WAS: variants seen among roughly 807,000 people sequenced by gnomAD.
WAS encodes WASP actin nucleation promoting factor, also known as actin nucleation-promoting factor WAS.
Under a neutral mutation model 38.9 loss-of-function variants are expected in WAS, and 1 was observed. The ratio of observed to expected loss-of-function variants is 0.03; its 90% CI spans 0.01 to 0.12. The LOEUF (loss-of-function observed/expected upper bound fraction) is 0.12, where lower values mean the gene tolerates loss of function less well. Among genes scored for constraint, WAS ranks in the 10% least tolerant of loss-of-function variants. The probability of loss-of-function intolerance (pLI) is 1.00; values close to 1 mark genes in which losing one functional copy is unlikely to be tolerated. For synonymous variants in WAS, 182 were observed against 173.6 expected (o/e 1.05, Z -0.38); for missense variants, 311 against 431.2 (o/e 0.72, Z 2.47).
chrX:48,682,185 C>T (rs945112140), upstream of WAS, among the ~76,000 whole-genome samples: 3 of 112,236 alleles, frequency 2.7e-5, no homozygotes, highest in African/African-American at 9.7e-5. Context: ...CGGGAGTGAA[C>T]ACTGCAGTGT....
intron 10 of WAS, 124 bp downstream of exon 10, chrX:48,689,190 G>C: frequency 1.1e-6 from 1 of 946,966 alleles, no homozygotes; most frequent in Admixed American, 2.6e-5. Context: ...TCAGTGATAG[G>C]GTTGAAAGGT....
intron 1 of WAS, 90 bp from the exon 2 acceptor site, chrX:48,684,193 C>A: frequency 1.7e-6 from 2 of 1,183,307 alleles, no homozygotes; most frequent in Non-Finnish European, 2.3e-6. Context: ...GGGCCCATGA[C>A]TGTCATGAGG....
At chrX:48,682,350 A>C (rs1557005884), upstream of WAS, among the ~76,000 whole-genome samples, 1 of 112,306 alleles carries the variant, frequency 8.9e-6, no homozygotes, top group Non-Finnish European at 1.9e-5. Flanking sequence ...GCAACAGCCA[A>C]GAGTGAAGGC....
chrX:48,690,129 T>A (rs1023790977), intron 11 of WAS, among the ~76,000 whole-genome samples: 15 of 111,918 alleles, frequency 1.3e-4, no homozygotes, highest in Non-Finnish European at 2.1e-4. Context: ...TCTAATCTTT[T>A]AAAAAATTTT....
At chrX:48,679,155 C>T (rs1363192476), upstream of WAS, among the ~76,000 whole-genome samples, 3 of 109,303 alleles carry the variant, frequency 2.7e-5, no homozygotes, top group African/African-American at 6.6e-5. Context: ...TCAGCCTCCC[C>T]GACTACAGGC....
In WAS at chrX:48,683,888, G is replaced by A; in HGVS notation, c.35G>A (p.Gly12Asp). 3.3e-6 allele frequency: 4 copies of A among 1,211,667 alleles called. No homozygotes were observed. The highest frequency in any genetic ancestry group is 4.5e-6 in the Non-Finnish European group (4 of 895,423). Reference protein sequence around the residue: ...SGGPMGGRPGGRGAPAVQQNI... With the variant: ...SGGPMGGRPGDRGAPAVQQNI... The stretch of plus-strand genomic sequence containing the variant: ...GGCCCAATGGGAGGAAGGCCCGGGG[G>A]CCGAGGAGCACCAGCGGTTCAGCAG... Residue 12 changes from glycine to aspartate, a missense_variant, in exon 1 of 12, where the codon GGC (glycine) becomes GAC (aspartate). Gly to Asp is a moderately conservative substitution (Grantham distance 94). Transcript: ENST00000376701.
At chrX:48,683,633 G>A (rs2062409127), upstream of WAS, 1 of 432,099 alleles carries the variant, frequency 2.3e-6, no homozygotes, top group Admixed American at 4.3e-5. Context: ...TCCAAAAGGT[G>A]GGTCTAAGCA....
Position 48,688,966 on chromosome X carries a change from C to A in WAS, c.1238C>A (p.Pro413His). ...PPSSGNGPAP[P>H]PLPPALVPAG... Reference sequence around the variant, plus strand: ...AGCTCCGGGAATGGACCAGCCCCTCCCCCACTCCCTCCTGCTCTGGTGCCT... The same window carrying A: ...AGCTCCGGGAATGGACCAGCCCCTCACCCACTCCCTCCTGCTCTGGTGCCT... The change falls in exon 10 of 12, where the codon CCC (proline) becomes CAC (histidine). Residue 413 changes from proline to histidine, a missense_variant. Coordinates refer to ENST00000376701, the MANE Select transcript of WAS (RefSeq NM_000377.3). 8.5e-7 allele frequency: 1 copy of A among 1,180,826 alleles called. No homozygotes were observed. Among genetic ancestry groups the A allele is most frequent in the East Asian group, 3.1e-5 (1 of 32,326 alleles).
intron 9 of WAS, 96 bp from the exon 10 acceptor site, chrX:48,688,564 G>A: frequency 8.4e-7 from 1 of 1,190,211 alleles, no homozygotes; most frequent in Middle Eastern, 2.4e-4. Context: ...TCAGTCAGGA[G>A]TTGGTCAGTG....
At chrX:48,681,726 A>C (rs2062400797), upstream of WAS, among the ~76,000 whole-genome samples, 1 of 112,179 alleles carries the variant, frequency 8.9e-6, no homozygotes, top group Non-Finnish European at 1.9e-5. Flanking sequence ...CCTGATCAGC[A>C]GGTTGGAGGT....
At chrX:48,686,055 ACT>A in intron 5 of WAS, 24 bp from the exon 6 acceptor site, 5 of 1,211,112 alleles carry the variant, frequency 4.1e-6, no homozygotes, top group East Asian at 3.0e-5. Context: ...GGCTGTGATA[ACT>A]CTCTACACAT....
Position 48,677,740 on chromosome X carries a change from C to G in WAS, c.-131+992C>G, listed in dbSNP as rs186370751. Among the ~76,000 whole-genome samples, 391 of 111,697 alleles carry G rather than the reference C, an allele frequency of 3.5e-3. 1 individual carries two copies. Among genetic ancestry groups the G allele is most frequent in the Admixed American group, 5.3e-3 (56 of 10,601 alleles). ...CCCTGAAGCATCCATTTGCCCACAG[C>G]GTCAGTGAACTGTGTAGAACTCTCT... On this transcript the variant is annotated intron_variant, in intron 1 of 8. Coordinates refer to the WAS transcript ENST00000450772.
chrX:48,691,380 G>T lies in WAS; in HGVS notation c.*218G>T. 2.4e-6 allele frequency: 1 copy of T among 410,363 alleles called. No homozygotes were observed. The highest frequency in any genetic ancestry group is 4.2e-6 in the Non-Finnish European group (1 of 236,233). 33.8% of individuals were successfully genotyped at this position (410,363 alleles called of 1,213,427 possible). On this transcript the variant is annotated 3_prime_UTR_variant, in exon 12 of 12. Coordinates refer to ENST00000376701, the MANE Select transcript of WAS (RefSeq NM_000377.3). ...AAAATTCTCAGTTCTCTTCACTCAA[G>T]GATTTTTAAAGAAAAATAAAAGAAT... is the stretch of plus-strand genomic sequence containing the variant.
At chrX:48,684,857 A>G (rs2062414315) in intron 2 of WAS, among the ~76,000 whole-genome samples, 1 of 111,286 alleles carries the variant, frequency 9.0e-6, no homozygotes, top group Admixed American at 9.6e-5. Context: ...TTGAACTCCA[A>G]ATCTGTCCTT....
At chrX:48,682,819 C>T (rs1215962082), upstream of WAS, among the ~76,000 whole-genome samples, 4 of 107,552 alleles carry the variant, frequency 3.7e-5, no homozygotes, top group African/African-American at 1.0e-4. Context: ...CACTTGAACC[C>T]GGGAGGCAAA....
In WAS at chrX:48,688,324, C is replaced by T. The variant is rs782149318; in HGVS notation, c.802C>T (p.Arg268Trp). The T allele has an allele frequency of 1.7e-5, 21 of 1,205,891 alleles. No homozygotes were observed. The Admixed American group carries it at 1.8e-4, about 10-fold the overall frequency. Reference sequence around the variant, plus strand: ...GGTGAACAACCTCGACCCAGATCTGCGGAGTCTGTTCTCCAGGGCAGGAAT... The same window carrying T: ...GGTGAACAACCTCGACCCAGATCTGTGGAGTCTGTTCTCCAGGGCAGGAAT... ...FDVNNLDPDL[R>W]SLFSRAGISE... Residue 268 changes from arginine to tryptophan, a missense_variant, in exon 9 of 12, where the codon CGG (arginine) becomes TGG (tryptophan). This residue lies in a region of WAS where 74 missense variants were observed against 131.2 expected (regional missense o/e 0.56). Transcript: ENST00000376701.
upstream of WAS, chrX:48,683,684 A>G (rs1232101361): frequency 9.9e-6 from 7 of 704,117 alleles, no homozygotes; most frequent in South Asian, 2.1e-4. Flanking sequence ...CGGAGGGCCC[A>G]AGCTCAGCCT....
intron 7 of WAS, 66 bp from the exon 8 acceptor site, chrX:48,687,988 G>A (rs2062425537): frequency 1.8e-6 from 2 of 1,126,591 alleles, no homozygotes; most frequent in Non-Finnish European, 2.4e-6. Context: ...GGGCAAGAGG[G>A]TTTCACTATG....
At chrX:48,682,430 A>G (rs1397449438), upstream of WAS, among the ~76,000 whole-genome samples, 1 of 112,382 alleles carries the variant, frequency 8.9e-6, no homozygotes, top group African/African-American at 3.2e-5. Context: ...GGGTCAGAAC[A>G]GTGACTGGCA....
Sources: allele counts gnomAD v4.1 joint callset (sites outside exome capture counted in the v4.1 genomes callset), GRCh38; gene constraint gnomAD v4.1.1; regional missense constraint gnomAD v4.1.1; transcripts MANE v1.5; gene names NCBI Gene and HGNC (gene_info 2026-07-23, HGNC 2026-07-21).